The following GRIK1 variants were observed in gnomAD, a reference collection of about 807,000 sequenced individuals.
GRIK1 encodes the protein glutamate ionotropic receptor kainate type subunit 1.
Under a neutral mutation model 105.7 loss-of-function variants are expected in GRIK1, and 69 were observed. The observed-to-expected ratio is 0.65, with a 90% confidence interval of 0.54 to 0.80. The LOEUF is 0.80. Among genes scored for constraint, GRIK1 ranks in the 30% least tolerant of loss-of-function variants. The pLI, the probability that GRIK1 is intolerant of heterozygous loss-of-function variation, is 0.00. For synonymous variants in GRIK1, 438 were observed against 431.3 expected (o/e 1.02, Z -0.19); for missense variants, 1,109 against 1,167.3 (o/e 0.95, Z 0.73).
chr21:29,897,014 A>C (rs980671798), intron 1 of GRIK1, among the ~76,000 whole-genome samples: 5 of 152,112 alleles, frequency 3.3e-5, no homozygotes, highest in African/African-American at 4.8e-5. Flanking sequence ...AACCTAAAAA[A>C]CTCAAATTTC....
At chr21:29,789,515 C>A (rs556639875) in intron 1 of GRIK1, among the ~76,000 whole-genome samples, 1 of 152,212 alleles carries the variant, frequency 6.6e-6, no homozygotes, top group African/African-American at 2.4e-5. Context: ...CTCCCCCATA[C>A]CTGGCTCCTT....
At chr21:29,718,150 C>A (rs547771905) in intron 1 of GRIK1, among the ~76,000 whole-genome samples, 1 of 152,280 alleles carries the variant, frequency 6.6e-6, no homozygotes, top group South Asian at 2.1e-4. Context: ...TCAATTAAAT[C>A]TCTTTTTTAT....
chr21:29,560,534 TTC>T lies in GRIK1; in HGVS notation c.2356+1088_2356+1089del, dbSNP rs749877086. 4.1e-5 allele frequency among the ~76,000 whole-genome samples: 4 copies of T among 98,268 alleles called. 1 individual carries two copies. The highest frequency in any genetic ancestry group is 9.1e-5 in the African/African-American group (2 of 22,082). The allele number at this position is 98,268 out of a possible 152,430, so 64.5% of individuals were successfully genotyped here. On this transcript the variant is annotated intron_variant, in intron 15 of 17. Transcript: ENST00000327783. ...TTCCTTCCTTCCTTTCTTTCTTTCT[TTC>T]TTTCTTTCTTTCTTTCTTTCTTTCT...
At chr21:29,660,763 A>C (rs1359587819) in intron 4 of GRIK1, among the ~76,000 whole-genome samples, 1 of 152,224 alleles carries the variant, frequency 6.6e-6, no homozygotes, top group Non-Finnish European at 1.5e-5. Context: ...GCCTTTCTCA[A>C]TATCAGGATA....
At chr21:29,608,157 C>T (rs1395703482) in intron 7 of GRIK1, among the ~76,000 whole-genome samples, 1 of 152,010 alleles carries the variant, frequency 6.6e-6, no homozygotes, top group Non-Finnish European at 1.5e-5. Context: ...AACTTAGAGT[C>T]ATGTTAATGA....
chr21:29,802,366 C>G (rs576471371), intron 1 of GRIK1, among the ~76,000 whole-genome samples: 1 of 152,234 alleles, frequency 6.6e-6, no homozygotes, highest in South Asian at 2.1e-4. Flanking sequence ...TCTTGACAAT[C>G]AAATTGACTT....
intron 14 of GRIK1, among the ~76,000 whole-genome samples, chr21:29,566,964 A>C (rs2090625275): frequency 6.6e-6 from 1 of 152,188 alleles, no homozygotes; most frequent in African/African-American, 2.4e-5. Context: ...AGAATTAACA[A>C]ATTTTCTAAA....
At chr21:29,859,326 C>T (rs1338384143) in intron 1 of GRIK1, among the ~76,000 whole-genome samples, 4 of 150,912 alleles carry the variant, frequency 2.7e-5, no homozygotes, top group South Asian at 2.1e-4. Context: ...CTAACCTGCA[C>T]GTTGTGCACA....
At chr21:29,861,693 G>C in intron 1 of GRIK1, 1 of 454,824 alleles carries the variant, frequency 2.2e-6, no homozygotes, top group African/African-American at 2.0e-5. Flanking sequence ...TTTGCCAAAT[G>C]TATTTTCTGC....
At chr21:29,773,719 A>T (rs1402290313) in intron 1 of GRIK1, among the ~76,000 whole-genome samples, 1 of 152,178 alleles carries the variant, frequency 6.6e-6, no homozygotes, top group Non-Finnish European at 1.5e-5. Context: ...AGCATAGCTT[A>T]TCTAGAAAAT....
At position 29,667,383 on chromosome 21, in the gene GRIK1, T is replaced by C. The variant is rs182038477; in HGVS notation, c.726+5600A>G. Among the ~76,000 whole-genome samples the C allele has an allele frequency of 3.4e-3, 524 of 152,282 alleles. 1 individual carries two copies. Among genetic ancestry groups the C allele is most frequent in the Non-Finnish European group, 4.6e-3 (310 of 68,016 alleles). On this transcript the variant is annotated intron_variant, in intron 4 of 17. Coordinates refer to ENST00000327783, the MANE Select transcript of GRIK1 (RefSeq NM_001330994.2). ...TTTCTAGCAGAGGAAGACCAGGCATTAAACAAACAAACAAAAAGCCATTTT... is the reference window on the plus strand; with the variant it reads ...TTTCTAGCAGAGGAAGACCAGGCATCAAACAAACAAACAAAAAGCCATTTT...
At chr21:29,804,490 G>T (rs8132498) in intron 1 of GRIK1, among the ~76,000 whole-genome samples, 7,757 of 152,100 alleles carry the variant, frequency 0.051, 536 homozygotes, top group African/African-American at 0.15. Context: ...GCCTCACTAA[G>T]TGCAATCTTA....
Position 29,622,913 on chromosome 21 carries a change from G to T in GRIK1, c.1098+19913C>A, listed in dbSNP as rs151277819. The stretch of plus-strand genomic sequence containing the variant: ...CAACTGGCAAATTTGCTGTTTCTTT[G>T]TCTATTCATGGTAATAATTATAATA... On this transcript the variant is annotated intron_variant, in intron 7 of 17. Coordinates refer to ENST00000327783, the MANE Select transcript of GRIK1 (RefSeq NM_001330994.2). Among the ~76,000 whole-genome samples, 932 of 152,110 alleles carry T rather than the reference G, an allele frequency of 6.1e-3. 11 individuals carry two copies. Among genetic ancestry groups the T allele is most frequent in the African/African-American group, 0.021 (877 of 41,488 alleles).
intron 7 of GRIK1, among the ~76,000 whole-genome samples, chr21:29,615,250 T>C (rs2061822156): frequency 6.6e-6 from 1 of 151,718 alleles, no homozygotes; most frequent in Non-Finnish European, 1.5e-5. Flanking sequence ...GATGGCTTCC[T>C]TAAGAGCAGG....
intron 1 of GRIK1, among the ~76,000 whole-genome samples, chr21:29,728,728 C>T (rs900535974): frequency 2.0e-5 from 3 of 152,178 alleles, no homozygotes; most frequent in Non-Finnish European, 2.9e-5. Context: ...GAACAAAAAC[C>T]GATACATTCC....
At position 29,924,850 on chromosome 21, in the gene GRIK1, T is replaced by G. The variant is rs112803794; in HGVS notation, c.118+14533A>C. ...AGGACCTCATTCTTACCTTCTAATG[T>G]TTATGGATCTGGCTCTAAGTAGAAA... On this transcript the variant is annotated intron_variant, in intron 1 of 17. Transcript: ENST00000327783. Among the ~76,000 whole-genome samples, 1,148 of 152,326 alleles carry G rather than the reference T, an allele frequency of 7.5e-3. 9 individuals are homozygous for G. Among genetic ancestry groups the G allele is most frequent in the African/African-American group, 0.026 (1,077 of 41,582 alleles).
intron 7 of GRIK1, among the ~76,000 whole-genome samples, chr21:29,602,478 C>T (rs369365610): frequency 3.9e-5 from 6 of 152,230 alleles, no homozygotes; most frequent in Middle Eastern, 3.4e-3. Context: ...AACACATTAA[C>T]GGATTTCCAT....
chr21:29,612,095 C>T (rs1429039928), intron 7 of GRIK1, among the ~76,000 whole-genome samples: 2 of 152,170 alleles, frequency 1.3e-5, no homozygotes, highest in African/African-American at 4.8e-5. Flanking sequence ...ACAAAATAAG[C>T]CTTCAGCGTT....
intron 1 of GRIK1, among the ~76,000 whole-genome samples, chr21:29,890,056 A>G (rs141279748): frequency 1.7e-3 from 265 of 152,232 alleles, no homozygotes; most frequent in Middle Eastern, 6.8e-3. Flanking sequence ...TCATTTGACA[A>G]TAAGTCATGT....
Sources: allele counts gnomAD v4.1 joint callset (sites outside exome capture counted in the v4.1 genomes callset), GRCh38; gene constraint gnomAD v4.1.1; transcripts MANE v1.5; gene names NCBI Gene and HGNC (gene_info 2026-07-23, HGNC 2026-07-21).